Variants in TM2D1 observed in about 807,000 individuals in gnomAD.
TM2D1 encodes TM2 domain-containing protein 1.
Under a neutral mutation model 28.4 loss-of-function variants are expected in TM2D1, and 15 were observed. That is an observed-to-expected ratio of 0.53 (90% CI 0.35 to 0.81). The LOEUF is 0.81. TM2D1 is among the 40% of genes least tolerant of loss of function. The pLI is 0.01. For missense variants in TM2D1, 236 were observed against 254.9 expected (o/e 0.93, Z 0.50); for synonymous variants, 93 against 96.2 (o/e 0.97, Z 0.20).
chr1:61,707,546 T>TAAATAGGTTTTAAAAAA (rs1297404176), intron 3 of TM2D1, among the ~76,000 whole-genome samples: 23 of 152,192 alleles, frequency 1.5e-4, no homozygotes, highest in African/African-American at 7.2e-5. Context: ...AGGTATTGAC[T>TAAATAGGTTTTAAAAAA]AAACCCTATT....
intron 2 of TM2D1, among the ~76,000 whole-genome samples, chr1:61,722,237 G>T (rs1644573320): frequency 6.6e-6 from 1 of 152,104 alleles, no homozygotes; most frequent in African/African-American, 2.4e-5. Flanking sequence ...AGTGAACTGA[G>T]ATGGCACCAC....
chr1:61,687,935 G>C (rs1055617594), intron 5 of TM2D1, among the ~76,000 whole-genome samples: 1 of 152,162 alleles, frequency 6.6e-6, no homozygotes, highest in African/African-American at 2.4e-5. Context: ...TTAAAAGTCA[G>C]ACTACATTTT....
intron 5 of TM2D1, among the ~76,000 whole-genome samples, chr1:61,687,834 T>C (rs1644294826): frequency 6.6e-6 from 1 of 152,204 alleles, no homozygotes; most frequent in Admixed American, 6.5e-5. Context: ...CCTACCAATC[T>C]GGTGATAAAA....
intron 1 of TM2D1, chr1:61,724,549 G>A (rs1644591093): frequency 5.7e-6 from 1 of 174,182 alleles, no homozygotes; most frequent in African/African-American, 2.4e-5. Context: ...GCAACACATT[G>A]GCTAGATCGT....
At chr1:61,716,466 T>TAA (rs1341848530) in intron 2 of TM2D1, among the ~76,000 whole-genome samples, 1 of 145,714 alleles carries the variant, frequency 6.9e-6, no homozygotes, top group African/African-American at 2.5e-5. Context: ...TATACATATA[T>TAA]AATTATATAT....
intron 3 of TM2D1, among the ~76,000 whole-genome samples, chr1:61,703,718 TTATATATATATATATATATATATATA>T (rs56267637): frequency 2.0e-5 from 2 of 99,098 alleles, no homozygotes; most frequent in African/African-American, 8.0e-5. Context: ...TAGCCAATCT[TTATATATATATATATATATATATATA>T]TATATATATA....
intron 3 of TM2D1, among the ~76,000 whole-genome samples, chr1:61,705,160 C>G (rs1644431607): frequency 6.6e-6 from 1 of 152,058 alleles, no homozygotes; most frequent in South Asian, 2.1e-4. Flanking sequence ...AAAGAATAAT[C>G]TGAAAACTGG....
intron 4 of TM2D1, chr1:61,696,103 G>A (rs1394048893): frequency 6.6e-6 from 1 of 152,112 alleles, no homozygotes; most frequent in African/African-American, 2.4e-5. Context: ...TTAGTTGCAT[G>A]GTACTATTAG....
At chr1:61,687,970 G>A (rs1426958718) in intron 5 of TM2D1, among the ~76,000 whole-genome samples, 2 of 152,172 alleles carry the variant, frequency 1.3e-5, no homozygotes, top group Non-Finnish European at 2.9e-5. Context: ...ACTTCTGTGT[G>A]TGACTAATTT....
intron 5 of TM2D1, among the ~76,000 whole-genome samples, chr1:61,688,239 T>C (rs1045626756): frequency 6.6e-6 from 1 of 152,142 alleles, no homozygotes; most frequent in African/African-American, 2.4e-5. Context: ...GAAAATCCTC[T>C]TAAAGGCACT....
rs908933849 is a variant in TM2D1 at position 61,714,495 on chromosome 1, C to T, written c.239-5058G>A. On this transcript the variant is annotated intron_variant, in intron 2 of 6. Coordinates refer to ENST00000606498, the MANE Select transcript of TM2D1 (RefSeq NM_032027.3). ...AGCGGAGGTTTCAGTGAGCTGAGGT[C>T]GCGCCACTGCACTCCAGCCTGGGTG... 3.3e-5 allele frequency among the ~76,000 whole-genome samples: 5 copies of T among 152,058 alleles called. No homozygotes were observed. In the East Asian group the frequency reaches 5.9e-4, roughly 18 times the overall value.
intron 4 of TM2D1, chr1:61,700,327 A>G: frequency 7.1e-7 from 1 of 1,415,380 alleles, no homozygotes; most frequent in Non-Finnish European, 9.2e-7. Flanking sequence ...GTAAGTCTTC[A>G]ATAAGGGCAG....
At chr1:61,683,001 T>C (rs1644258445) in intron 6 of TM2D1, among the ~76,000 whole-genome samples, 1 of 152,162 alleles carries the variant, frequency 6.6e-6, no homozygotes, top group African/African-American at 2.4e-5. Context: ...AATTCAGGCT[T>C]TGGACTCTTT....
intron 3 of TM2D1, among the ~76,000 whole-genome samples, chr1:61,705,198 G>A (rs926768035): frequency 2.0e-5 from 3 of 151,964 alleles, no homozygotes; most frequent in South Asian, 4.1e-4. Flanking sequence ...GTTATTCACC[G>A]AGCCATTTCT....
At chr1:61,697,745 G>A (rs910412531) in intron 4 of TM2D1, 6 of 151,990 alleles carry the variant, frequency 3.9e-5, no homozygotes, top group Non-Finnish European at 7.4e-5. Flanking sequence ...CCTTGCCCCC[G>A]TCTTTCCCCA....
In TM2D1 at chr1:61,725,138, T is replaced by TCTC; in HGVS notation, c.-21_-19dup. ...GCCGCCATCTTGGAGACCGACACTT[T>TCTC]CTCGCCACTTCCGCTTCCGCCTCCG... On this transcript the variant is annotated 5_prime_UTR_variant, in exon 1 of 7. Transcript: ENST00000606498. 4 of 1,613,174 alleles carry TCTC rather than the reference T, an allele frequency of 2.5e-6. No individual in the cohort carries two copies. Among genetic ancestry groups the TCTC allele is most frequent in the Non-Finnish European group, 3.4e-6 (4 of 1,179,706 alleles).
At chr1:61,724,885 T>G (rs1644593722) in intron 1 of TM2D1, 72 bp downstream of exon 1, 1 of 1,483,026 alleles carries the variant, frequency 6.7e-7, no homozygotes, top group Non-Finnish European at 9.1e-7. Context: ...TAGCCAGTCC[T>G]GACGGCAGCG....
intron 3 of TM2D1, among the ~76,000 whole-genome samples, chr1:61,703,958 G>A: frequency 6.6e-6 from 1 of 151,490 alleles, no homozygotes; most frequent in Non-Finnish European, 1.5e-5. Flanking sequence ...GTTTCACCAT[G>A]TTGTCCAGGC....
At chr1:61,682,651 G>A (rs1426955093) in intron 6 of TM2D1, among the ~76,000 whole-genome samples, 5 of 152,054 alleles carry the variant, frequency 3.3e-5, no homozygotes, top group Non-Finnish European at 7.4e-5. Context: ...TGTAATTCCA[G>A]CACTCTGGGA....
Sources: allele counts gnomAD v4.1 joint callset (sites outside exome capture counted in the v4.1 genomes callset), GRCh38; gene constraint gnomAD v4.1.1; transcripts MANE v1.5; gene names NCBI Gene and HGNC (gene_info 2026-07-23, HGNC 2026-07-21).